The following GPR157 variants were observed in gnomAD, a reference collection of about 807,000 sequenced individuals.
GPR157 encodes the protein G protein-coupled receptor 157, also known as G-protein coupled receptor 157.
A neutral mutation model predicts 23.5 loss-of-function variants in GPR157; 16 were observed. The observed-to-expected ratio is 0.68, with a 90% CI of 0.46 to 1.04. The LOEUF (loss-of-function observed/expected upper bound fraction) is 1.04, where lower values mean the gene tolerates loss of function less well. GPR157 is among the 50% of genes least tolerant of loss of function. The pLI, the probability that GPR157 is intolerant of heterozygous loss-of-function variation, is 0.00. For missense variants in GPR157, 440 were observed against 460.7 expected (o/e 0.96, Z 0.41); for synonymous variants, 200 against 221.5 (o/e 0.90, Z 0.86).
intron 1 of GPR157, among the ~76,000 whole-genome samples, chr1:9,123,499 T>C (rs1488832732): frequency 2.5e-5 from 3 of 118,228 alleles, no homozygotes; most frequent in African/African-American, 1.1e-4. Flanking sequence ...ATATAAATTA[T>C]ATATTCAAAA....
At position 9,120,931 on chromosome 1, in the gene GPR157, T is replaced by C. The variant is rs574223638; in HGVS notation, c.383+7714A>G. Among the ~76,000 whole-genome samples, 2 of 152,336 alleles carry C rather than the reference T, an allele frequency of 1.3e-5. No homozygotes were observed. The highest frequency in any genetic ancestry group is 4.8e-5 in the African/African-American group (2 of 41,576). On this transcript the variant is annotated intron_variant, in intron 1 of 3. Coordinates refer to ENST00000377411, the MANE Select transcript of GPR157 (RefSeq NM_024980.5). This position sits in a 1 kb window ranked among gnomAD's most constrained non-coding sequence, Gnocchi z 4.1. ...GAGTAGTGGCCGACATGGGGTACTA[T>C]TCATGTGGCCACTGCATCCATCCCT... is the stretch of plus-strand genomic sequence containing the variant.
chr1:9,117,149 T>C (rs1250760570), intron 1 of GPR157, among the ~76,000 whole-genome samples: 1 of 152,156 alleles, frequency 6.6e-6, no homozygotes, highest in African/African-American at 2.4e-5. Context: ...AGCTCTGTTT[T>C]TAATATAATC....
In GPR157 at chr1:9,123,680, TATATATTTAATATATATTTAATTTTAA is replaced by T. The variant is rs1486889345; in HGVS notation, c.383+4938_383+4964del. On this transcript the variant is annotated intron_variant, in intron 1 of 3. Transcript: ENST00000377411. ...TATTAAATATATATTTAATATTAAA[TATATATTTAATATATATTTAATTTTAA>T]ATATGTATTTATATATAATTTTAAA... Among the ~76,000 whole-genome samples, 213 of 117,688 alleles carry T rather than the reference TATATATTTAATATATATTTAATTTTAA, an allele frequency of 1.8e-3. 4 individuals are homozygous for T. Among genetic ancestry groups the T allele is most frequent in the African/African-American group, 6.8e-3 (202 of 29,522 alleles). The allele number at this position is 117,688 out of a possible 152,430, so 77.2% of individuals were successfully genotyped here. A position where few individuals can be genotyped will look rare whatever the true frequency, so the allele number is the denominator to read the frequency against.
chr1:9,128,364 C>T lies in GPR157; in HGVS notation c.383+281G>A. ...GGGCTCAGAGTGTCCTCCCCAGCCC[C>T]GTCCAAGGAAACAGGGCCCGGCTCT... On this transcript the variant is annotated intron_variant, in intron 1 of 3. Transcript: ENST00000377411. This position sits in a 1 kb window ranked among gnomAD's most constrained non-coding sequence, Gnocchi z 6.3. The T allele has an allele frequency of 1.5e-6, 1 of 671,398 alleles. No individual in the cohort carries two copies. The highest frequency in any genetic ancestry group is 2.7e-6 in the Non-Finnish European group (1 of 365,148). The allele number at this position is 671,398 out of a possible 1,614,324, so 41.6% of individuals were successfully genotyped here.
At chr1:9,109,016 T>A (rs568593468) in intron 2 of GPR157, among the ~76,000 whole-genome samples, 1 of 151,894 alleles carries the variant, frequency 6.6e-6, no homozygotes, top group Admixed American at 6.6e-5. Flanking sequence ...GACCTCGTGA[T>A]CTGCACACCT....
At position 9,111,306 on chromosome 1, in the gene GPR157, G is replaced by C; in HGVS notation, c.567C>G (p.Tyr189Ter). The change falls in exon 2 of 4, where the codon TAC (tyrosine) becomes TAG (stop). Residue 189 changes from tyrosine to a stop codon, truncating the protein, a stop_gained. Transcript: ENST00000377411. LOFTEE classifies it high-confidence loss of function. ...MLAYVLLPLL[Y>*]LLVRKHINRA... The stretch of plus-strand genomic sequence containing the variant: ...TGTTGATGTGCTTCCGGACCAGGAG[G>C]TACAGCAGAGGCAGCAGCACATATG... 1 of 1,614,222 alleles carries C rather than the reference G, an allele frequency of 6.2e-7. No individual in the cohort carries two copies. The highest frequency in any genetic ancestry group is 1.1e-5 in the South Asian group (1 of 91,088).
At chr1:9,109,737 C>T (rs1213006388) in intron 2 of GPR157, among the ~76,000 whole-genome samples, 1 of 152,162 alleles carries the variant, frequency 6.6e-6, no homozygotes, top group Admixed American at 6.5e-5. Context: ...ACAGCCATCT[C>T]CAGCAAGGAC....
In GPR157 at chr1:9,105,034, AACAC is replaced by A. The variant is rs199973020; in HGVS notation, c.793-404_793-401del. Among the ~76,000 whole-genome samples the A allele has an allele frequency of 0.024, 2,803 of 116,966 alleles. 73 individuals carry two copies. The highest frequency in any genetic ancestry group is 0.079 in the African/African-American group (2,357 of 29,840). The allele number at this position is 116,966 out of a possible 152,430, so 76.7% of individuals were successfully genotyped here. On this transcript the variant is annotated intron_variant, in intron 3 of 3. Coordinates refer to ENST00000377411, the MANE Select transcript of GPR157 (RefSeq NM_024980.5). The surrounding 1 kb of genome is among the most constrained non-coding windows in gnomAD (Gnocchi z 4.8). Reference sequence around the variant, plus strand: ...CCCCAAAAAAGAGAAATGGCTGAGAAACACACACACACACACACACACACACACA... The same window carrying A: ...CCCCAAAAAAGAGAAATGGCTGAGAAACACACACACACACACACACACACA...
chr1:9,129,051 GCGCCGCGAGGACAGAAGCCGGGC>G lies in GPR157; in HGVS notation c.-47_-25del. 8.0e-7 allele frequency: 1 copy of G among 1,246,678 alleles called. No homozygotes were observed. Among genetic ancestry groups the G allele is most frequent in the Non-Finnish European group, 1.0e-6 (1 of 997,340 alleles). 77.2% of individuals were successfully genotyped at this position (1,246,678 alleles called of 1,614,324 possible). A position where few individuals can be genotyped will look rare whatever the true frequency, so the allele number is the denominator to read the frequency against. ...ATGGCGTGGGGGGCCAGGAGCCGGA[GCGCCGCGAGGACAGAAGCCGGGC>G]CGCGCGTGCGGCCACGCCGCCGCCG... On this transcript the variant is annotated 5_prime_UTR_variant, in exon 1 of 4. Coordinates refer to ENST00000377411, the MANE Select transcript of GPR157 (RefSeq NM_024980.5).
rs1440152371 is a variant in GPR157 at position 9,118,924 on chromosome 1, A to T, written c.384-7435T>A. On this transcript the variant is annotated intron_variant, in intron 1 of 3. Coordinates refer to ENST00000377411, the MANE Select transcript of GPR157 (RefSeq NM_024980.5). This position sits in a 1 kb window ranked among gnomAD's most constrained non-coding sequence, Gnocchi z 4.6. ...GTGGCACACACCTGAAGTCCCAGCT[A>T]CCCAGGAGGCTGAGGCGGGAGAACC... 6.6e-6 allele frequency among the ~76,000 whole-genome samples: 1 copy of T among 151,908 alleles called. No individual in the cohort carries two copies. The highest frequency in any genetic ancestry group is 1.5e-5 in the Non-Finnish European group (1 of 67,984).
Position 9,111,529 on chromosome 1 carries a change from A to C in GPR157, c.384-40T>G. 5 of 1,556,716 alleles carry C rather than the reference A, an allele frequency of 3.2e-6. No homozygotes were observed. In the Admixed American group the frequency reaches 8.4e-5, roughly 26 times the overall value. On this transcript the variant is annotated intron_variant, in intron 1 of 3. Coordinates refer to ENST00000377411, the MANE Select transcript of GPR157 (RefSeq NM_024980.5). ...GAGAAAGAGGCATCGGGGTCAGGCC[A>C]TGGCTCCCGGCAATGTCAGCCTTCG...
At chr1:9,116,150 T>TTATA (rs1182014998) in intron 1 of GPR157, among the ~76,000 whole-genome samples, 1 of 32,358 alleles carries the variant, frequency 3.1e-5, no homozygotes, top group African/African-American at 1.4e-4. Flanking sequence ...ATATATTATA[T>TTATA]TATATATATA....
rs552612267 is a variant in GPR157, at chr1:9,128,581, G to A, written c.383+64C>T. Reference sequence around the variant, plus strand: ...CAACCTAGACGCGGCCTCTGGGAGGGCAAGACCGGGAGGGGTCGGCCTGTG... The same window carrying A: ...CAACCTAGACGCGGCCTCTGGGAGGACAAGACCGGGAGGGGTCGGCCTGTG... On this transcript the variant is annotated intron_variant, in intron 1 of 3. Transcript: ENST00000377411. This position sits in a 1 kb window ranked among gnomAD's most constrained non-coding sequence, Gnocchi z 6.3. 6 of 1,505,734 alleles carry A rather than the reference G, an allele frequency of 4.0e-6. No individual in the cohort carries two copies. In the East Asian group the frequency reaches 1.1e-4, roughly 29 times the overall value. The allele number at this position is 1,505,734 out of a possible 1,614,324, so 93.3% of individuals were successfully genotyped here.
chr1:9,123,192 T>TAA (rs1553175772), intron 1 of GPR157, among the ~76,000 whole-genome samples: 1 of 127,218 alleles, frequency 7.9e-6, no homozygotes, highest in Non-Finnish European at 1.6e-5. Flanking sequence ...TATATATATA[T>TAA]AAATAAAATT....
intron 1 of GPR157, among the ~76,000 whole-genome samples, chr1:9,115,335 T>C (rs1638613425): frequency 1.3e-5 from 2 of 152,234 alleles, no homozygotes; most frequent in South Asian, 4.1e-4. Flanking sequence ...CCTTCTTTAT[T>C]GTCCATTTCA....
At chr1:9,122,506 G>A (rs1638820866) in intron 1 of GPR157, among the ~76,000 whole-genome samples, 1 of 152,144 alleles carries the variant, frequency 6.6e-6, no homozygotes, top group Admixed American at 6.6e-5. Flanking sequence ...TTGCAGTGCA[G>A]GAACTTGGCA....
Position 9,104,765 on chromosome 1 carries a change from C to T in GPR157, c.793-131G>A, listed in dbSNP as rs984789319. On this transcript the variant is annotated intron_variant, in intron 3 of 3. Coordinates refer to ENST00000377411, the MANE Select transcript of GPR157 (RefSeq NM_024980.5). ...CCTGTAATCCCAGCCCTTTGGGAGG[C>T]TGAGGTGGGCGGATCACTTGAGGTC... 7.8e-6 allele frequency: 5 copies of T among 640,590 alleles called. No homozygotes were observed. In the Admixed American group the frequency reaches 1.4e-4, roughly 18 times the overall value. 39.7% of individuals were successfully genotyped at this position (640,590 alleles called of 1,614,324 possible). A position where few individuals can be genotyped will look rare whatever the true frequency, so the allele number is the denominator to read the frequency against.
intron 1 of GPR157, among the ~76,000 whole-genome samples, chr1:9,126,829 T>C (rs1638972048): frequency 6.6e-6 from 1 of 152,224 alleles, no homozygotes; most frequent in South Asian, 2.1e-4. Context: ...TCTTTTAAGA[T>C]GCAGGCAGGT....
rs756263937 is a variant in GPR157 at position 9,128,629 on chromosome 1, C to T, written c.383+16G>A. The T allele has an allele frequency of 1.9e-6, 3 of 1,610,094 alleles. No homozygotes were observed. Among genetic ancestry groups the T allele is most frequent in the Non-Finnish European group, 2.5e-6 (3 of 1,178,238 alleles). ...GTGTCGGGGGCTCCTGGAAAAGCAG[C>T]GCCACCGCCACCCACCTGACGACAT... On this transcript the variant is annotated intron_variant, in intron 1 of 3. Transcript: ENST00000377411. The surrounding 1 kb of genome is among the most constrained non-coding windows in gnomAD (Gnocchi z 6.3).
Sources: gnomAD v4.1 joint callset for allele counts (sites outside exome capture counted in the v4.1 genomes callset) on GRCh38, gnomAD v4.1.1 for gene constraint, Gnocchi (gnomAD v3.1) non-coding constraint, MANE v1.5 for transcripts, NCBI Gene and HGNC (gene_info 2026-07-23, HGNC 2026-07-21) for gene names.